TNRC6A: variants seen among roughly 807,000 people sequenced by gnomAD.
TNRC6A encodes trinucleotide repeat-containing gene 6A protein.
In TNRC6A, 44 loss-of-function variants were observed where a neutral mutation model predicts 221.2. That is an observed-to-expected ratio of 0.20 (90% CI 0.16 to 0.26). The LOEUF (loss-of-function observed/expected upper bound fraction) is 0.26. Ranked by LOEUF, TNRC6A falls within the 10% of genes least tolerant of loss-of-function variation. TNRC6A has a pLI of 1.00. For synonymous variants in TNRC6A, 847 were observed against 838.5 expected, an observed-to-expected ratio of 1.01 and a Z score of -0.18; for missense variants, 2,199 against 2,404.4, an observed-to-expected ratio of 0.91 and a Z score of 1.79.
intron 4 of TNRC6A, among the ~76,000 whole-genome samples, chr16:24,765,230 G>C (rs924073524): frequency 1.3e-5 from 2 of 152,192 alleles, no homozygotes; most frequent in African/African-American, 4.8e-5. Context: ...AGGGGTTACT[G>C]TACTGCCTGG....
chr16:24,806,190 G>T lies in TNRC6A; in HGVS notation c.4252-16G>T. The T allele has an allele frequency of 6.2e-7, 1 of 1,613,286 alleles. No individual in the cohort carries two copies. ...ATGGTGTGATAGTAACAACCTTTTC[G>T]CTATCTTTCCTCTAGCGATTGTTAG... is the stretch of plus-strand genomic sequence containing the variant. On this transcript the variant is annotated splice_polypyrimidine_tract_variant and intron_variant, in intron 15 of 24. Coordinates refer to ENST00000395799, the MANE Select transcript of TNRC6A (RefSeq NM_014494.4).
intron 18 of TNRC6A, 159 bp downstream of exon 18, chr16:24,809,640 TA>T (rs985357471): frequency 1.2e-6 from 1 of 862,254 alleles, no homozygotes; most frequent in Non-Finnish European, 1.6e-6. Flanking sequence ...TTAGTTACAA[TA>T]AGAGACTTTC....
rs531747407 is a variant in TNRC6A, at chr16:24,620,536, G to A, written n.276+10052G>A. Among the ~76,000 whole-genome samples, 175 of 152,278 alleles carry A rather than the reference G, an allele frequency of 1.1e-3. 1 individual carries two copies. The highest frequency in any genetic ancestry group is 2.0e-3 in the Non-Finnish European group (137 of 68,018). ...GGGTGTTCTGGCTCAGGCCAGGAGG[G>A]GTGGCTCATGCCTGTAATTCCAGCA... is the stretch of plus-strand genomic sequence containing the variant. On this transcript the variant is annotated intron_variant and non_coding_transcript_variant, in intron 1 of 2. Transcript: ENST00000566108.
intron 5 of TNRC6A, among the ~76,000 whole-genome samples, chr16:24,788,179 T>C (rs2058015649): frequency 6.6e-6 from 1 of 152,224 alleles, no homozygotes; most frequent in African/African-American, 2.4e-5. Context: ...ATTATAGGAT[T>C]GTATGACTGG....
chr16:24,749,556 C>T (rs1017483957), intron 2 of TNRC6A, among the ~76,000 whole-genome samples: 1 of 152,162 alleles, frequency 6.6e-6, no homozygotes, highest in Non-Finnish European at 1.5e-5. Flanking sequence ...TTCATGCTCT[C>T]TTGCTCTGGT....
chr16:24,712,907 CTGTG>C (rs61198955), intron 2 of TNRC6A, among the ~76,000 whole-genome samples: 18,384 of 126,052 alleles, frequency 0.15, 1,464 homozygotes, highest in Middle Eastern at 0.2. Context: ...TTATGTGCCA[CTGTG>C]TGTGTGTGTG....
intron 1 of TNRC6A, among the ~76,000 whole-genome samples, chr16:24,615,470 G>T (rs1313066847): frequency 6.6e-6 from 1 of 152,184 alleles, no homozygotes; most frequent in Admixed American, 6.5e-5. Flanking sequence ...TCAAAGAGAA[G>T]TGAGACTAGA....
intron 2 of TNRC6A, among the ~76,000 whole-genome samples, chr16:24,673,798 A>T (rs1488808581): frequency 6.6e-6 from 1 of 152,142 alleles, no homozygotes; most frequent in African/African-American, 2.4e-5. Flanking sequence ...GCTCAAGCGA[A>T]CTACCCACTT....
intron 2 of TNRC6A, among the ~76,000 whole-genome samples, chr16:24,657,792 G>A (rs923810199): frequency 6.7e-6 from 1 of 150,318 alleles, no homozygotes; most frequent in African/African-American, 2.4e-5. Flanking sequence ...AGAATATTTT[G>A]TCAATTCTAT....
At chr16:24,814,728 T>C (rs866409568) in intron 18 of TNRC6A, among the ~76,000 whole-genome samples, 5 of 152,274 alleles carry the variant, frequency 3.3e-5, no homozygotes, top group African/African-American at 7.2e-5. Context: ...CTTTCTTTTT[T>C]AACAGTTTAT....
intron 1 of TNRC6A, among the ~76,000 whole-genome samples, chr16:24,625,597 G>T (rs575068758): frequency 7.2e-5 from 11 of 152,000 alleles, no homozygotes; most frequent in Admixed American, 6.6e-4. Flanking sequence ...GCGGTGGCGG[G>T]CGCCTGTAGT....
chr16:24,813,156 C>T (rs866961112), intron 18 of TNRC6A, among the ~76,000 whole-genome samples: 5 of 152,176 alleles, frequency 3.3e-5, no homozygotes, highest in Middle Eastern at 3.4e-3. Context: ...GGATTATAGG[C>T]GTGAGCCACC....
chr16:24,814,137 G>C (rs2058603066), intron 18 of TNRC6A, among the ~76,000 whole-genome samples: 1 of 152,154 alleles, frequency 6.6e-6, no homozygotes, highest in Non-Finnish European at 1.5e-5. Context: ...ACCAGCGAGA[G>C]GTGTGAGGCC....
upstream of TNRC6A, among the ~76,000 whole-genome samples, chr16:24,724,859 A>G (rs1160774591): frequency 2.6e-5 from 4 of 151,880 alleles, no homozygotes. Context: ...AGCCTTGCCT[A>G]AAAAAAATAC....
At chr16:24,615,379 G>A (rs1900289289) in intron 1 of TNRC6A, among the ~76,000 whole-genome samples, 1 of 152,118 alleles carries the variant, frequency 6.6e-6, no homozygotes, top group Non-Finnish European at 1.5e-5. Context: ...CCTAGACAGT[G>A]GGATATGCTC....
chr16:24,628,572 G>A (rs916869353), intron 1 of TNRC6A, among the ~76,000 whole-genome samples: 8 of 152,170 alleles, frequency 5.3e-5, no homozygotes, highest in African/African-American at 9.6e-5. Context: ...TGAAGATGAC[G>A]AAGATGAAGA....
At chr16:24,678,989 A>G (rs1259025332) in intron 2 of TNRC6A, among the ~76,000 whole-genome samples, 3 of 136,824 alleles carry the variant, frequency 2.2e-5, no homozygotes, top group Non-Finnish European at 4.5e-5. Flanking sequence ...CCTTTAAAAC[A>G]TTGAATTTTT....
intron 4 of TNRC6A, among the ~76,000 whole-genome samples, chr16:24,759,853 A>C (rs2151503157): frequency 6.6e-6 from 1 of 152,278 alleles, no homozygotes; most frequent in Non-Finnish European, 1.5e-5. Context: ...TGTGGCTTTG[A>C]ACTTGGAATG....
rs749517090 is a variant in TNRC6A, at chr16:24,804,865, T to G, written c.3984+14T>G. The G allele has an allele frequency of 1.9e-6, 3 of 1,613,354 alleles. No homozygotes were observed. The highest frequency in any genetic ancestry group is 2.7e-5 in the African/African-American group (2 of 74,882). On this transcript the variant is annotated intron_variant, in intron 13 of 24. Transcript: ENST00000395799. Reference sequence around the variant, plus strand: ...TCTGTTAGACAGGTAAGTCCAGATGTGTATTTTAGGCTCTCAGTTGAATGA... The same window carrying G: ...TCTGTTAGACAGGTAAGTCCAGATGGGTATTTTAGGCTCTCAGTTGAATGA...
Sources: allele counts gnomAD v4.1 joint callset (sites outside exome capture counted in the v4.1 genomes callset), GRCh38; gene constraint gnomAD v4.1.1; transcripts MANE v1.5; gene names NCBI Gene and HGNC (gene_info 2026-07-23, HGNC 2026-07-21).